Variants in TACR3 observed in about 807,000 individuals in gnomAD.
TACR3 encodes the protein tachykinin receptor 3, also known as neuromedin-K receptor.
TACR3 carries 34 observed loss-of-function variants against 35.0 expected under a neutral mutation model. That is an observed-to-expected ratio of 0.97 (90% CI 0.74 to 1.30). The LOEUF is 1.30. Ranked by LOEUF, TACR3 falls within the 50% of genes most tolerant of loss-of-function variation. The pLI is 0.00. For synonymous variants in TACR3, 233 were observed against 221.1 expected, an observed-to-expected ratio of 1.05 and a Z score of -0.48; for missense variants, 558 against 591.7, an observed-to-expected ratio of 0.94 and a Z score of 0.59.
intron 3 of TACR3, 64 bp downstream of exon 3, chr4:103,656,130 A>T (rs1484382806): frequency 4.4e-6 from 7 of 1,580,200 alleles, no homozygotes; most frequent in Non-Finnish European, 6.1e-6. Context: ...CCATGACTAG[A>T]TTGCTTTTCT....
chr4:103,630,035 G>C (rs536865637), intron 3 of TACR3, among the ~76,000 whole-genome samples: 2 of 151,906 alleles, frequency 1.3e-5, no homozygotes, highest in Non-Finnish European at 2.9e-5. Flanking sequence ...AAATAACACC[G>C]CACATCTACA....
At chr4:103,677,821 A>G (rs769517174) in intron 1 of TACR3, among the ~76,000 whole-genome samples, 65 of 152,224 alleles carry the variant, frequency 4.3e-4, no homozygotes, top group Non-Finnish European at 6.8e-4. Flanking sequence ...AAGTTTACCT[A>G]TGTAACAAAC....
At chr4:103,678,263 A>T (rs1578253946) in intron 1 of TACR3, among the ~76,000 whole-genome samples, 1 of 152,072 alleles carries the variant, frequency 6.6e-6, no homozygotes, top group African/African-American at 2.4e-5. Context: ...AATTTTTTTT[A>T]TCAGTTAAAT....
At chr4:103,683,856 G>A (rs908564711) in intron 1 of TACR3, among the ~76,000 whole-genome samples, 2 of 151,770 alleles carry the variant, frequency 1.3e-5, no homozygotes, top group African/African-American at 2.4e-5. Flanking sequence ...GAGAGAGAGA[G>A]AGAAATGAGG....
chr4:103,667,504 C>A (rs1335810029), intron 1 of TACR3, among the ~76,000 whole-genome samples: 2 of 152,122 alleles, frequency 1.3e-5, no homozygotes, highest in African/African-American at 4.8e-5. Context: ...ATGTTTCTAA[C>A]ACAAAAGTGC....
In TACR3 at chr4:103,587,847, T is replaced by G. The variant is rs537143374; in HGVS notation, c.*1835A>C. 4 of 152,164 alleles carry G rather than the reference T, an allele frequency of 2.6e-5. No homozygotes were observed. Among genetic ancestry groups the G allele is most frequent in the Non-Finnish European group, 5.9e-5 (4 of 67,990 alleles). The allele number at this position is 152,164 out of a possible 1,614,324, so 9.4% of individuals were successfully genotyped here. On this transcript the variant is annotated 3_prime_UTR_variant, in exon 5 of 5. Transcript: ENST00000304883. Reference sequence around the variant, plus strand: ...ATATTAAATTTGCTTATTTAAAACATGCACACAAGCTTCACAGACTTTATT... The same window carrying G: ...ATATTAAATTTGCTTATTTAAAACAGGCACACAAGCTTCACAGACTTTATT...
At chr4:103,600,899 G>A (rs927407754) in intron 3 of TACR3, among the ~76,000 whole-genome samples, 3 of 152,000 alleles carry the variant, frequency 2.0e-5, no homozygotes, top group Non-Finnish European at 2.9e-5. Context: ...CAGTTTTGGA[G>A]TAGGTGTGGT....
chr4:103,704,880 T>C (rs1722749204), intron 1 of TACR3, among the ~76,000 whole-genome samples: 1 of 152,130 alleles, frequency 6.6e-6, no homozygotes, highest in South Asian at 2.1e-4. Flanking sequence ...TCAAAGAAAT[T>C]TAAATATTCA....
intron 1 of TACR3, among the ~76,000 whole-genome samples, chr4:103,667,733 T>G (rs2110334882): frequency 6.6e-6 from 1 of 152,276 alleles, no homozygotes; most frequent in Non-Finnish European, 1.5e-5. Flanking sequence ...TGTAAAACAT[T>G]TAAAAGAAAT....
chr4:103,625,471 G>A (rs1297867554), intron 3 of TACR3, among the ~76,000 whole-genome samples: 2 of 152,122 alleles, frequency 1.3e-5, no homozygotes, highest in East Asian at 1.9e-4. Flanking sequence ...AAACTGCCAA[G>A]TAGGGATGAA....
chr4:103,691,010 G>A (rs779198134), intron 1 of TACR3, among the ~76,000 whole-genome samples: 1 of 152,092 alleles, frequency 6.6e-6, no homozygotes, highest in Non-Finnish European at 1.5e-5. Flanking sequence ...TGGAACAAGC[G>A]CAACTCTCAC....
chr4:103,700,906 A>G (rs1004003568), intron 1 of TACR3, among the ~76,000 whole-genome samples: 2 of 152,206 alleles, frequency 1.3e-5, no homozygotes, highest in African/African-American at 2.4e-5. Flanking sequence ...TCTCAAAATA[A>G]TAAGAGCTAT....
chr4:103,624,386 T>TAATA (rs1337518369), intron 3 of TACR3: 3 of 152,146 alleles, frequency 2.0e-5, no homozygotes, highest in African/African-American at 7.2e-5. Context: ...AATCTGAAGA[T>TAATA]AATACCTGAG....
intron 1 of TACR3, among the ~76,000 whole-genome samples, chr4:103,696,953 A>T (rs1022976813): frequency 6.6e-6 from 1 of 152,094 alleles, no homozygotes. Flanking sequence ...TTGCTCTGTC[A>T]CCCAGGCTGG....
intron 3 of TACR3, among the ~76,000 whole-genome samples, chr4:103,602,523 C>T (rs1004776116): frequency 6.6e-6 from 1 of 151,498 alleles, no homozygotes. Flanking sequence ...GTGGTTTTAT[C>T]CACCTTTGAT....
chr4:103,664,819 G>T (rs928980895), intron 1 of TACR3, among the ~76,000 whole-genome samples: 1 of 151,908 alleles, frequency 6.6e-6, no homozygotes, highest in East Asian at 1.9e-4. Flanking sequence ...TTCTTTGTTT[G>T]TTTGTTTGGT....
At position 103,640,737 on chromosome 4, in the gene TACR3, TTTTTTTTAC is replaced by T. The variant is rs895534777; in HGVS notation, c.888+15448_888+15456del. On this transcript the variant is annotated intron_variant, in intron 3 of 4. Coordinates refer to ENST00000304883, the MANE Select transcript of TACR3 (RefSeq NM_001059.3). ...AAATTTTTGTAAAACGTTATGAGAT[TTTTTTTTAC>T]GATTTTTTTTCTTTTAGCTCATCAG... Among the ~76,000 whole-genome samples the T allele has an allele frequency of 4.6e-5, 7 of 151,770 alleles. No homozygotes were observed. In the South Asian group the frequency reaches 1.2e-3, roughly 27 times the overall value.
At chr4:103,686,632 C>A (rs1304453301) in intron 1 of TACR3, among the ~76,000 whole-genome samples, 4 of 152,046 alleles carry the variant, frequency 2.6e-5, no homozygotes, top group Non-Finnish European at 5.9e-5. Flanking sequence ...AATTATAACA[C>A]ATGAAAGAGG....
chr4:103,680,366 A>G lies in TACR3; in HGVS notation c.549-21963T>C, dbSNP rs183565225. ...GTTTAAGCTTGTTTGGAGAAAAAAA[A>G]TCTGAGCAGACCTAGTAAAAATCAA... On this transcript the variant is annotated intron_variant, in intron 1 of 4. Coordinates refer to ENST00000304883, the MANE Select transcript of TACR3 (RefSeq NM_001059.3). 6.2e-3 allele frequency among the ~76,000 whole-genome samples: 945 copies of G among 151,538 alleles called. 9 individuals carry two copies. Among genetic ancestry groups the G allele is most frequent in the Non-Finnish European group, 8.4e-3 (570 of 67,770 alleles).
Sources: allele counts gnomAD v4.1 joint callset (sites outside exome capture counted in the v4.1 genomes callset), GRCh38; gene constraint gnomAD v4.1.1; transcripts MANE v1.5; gene names NCBI Gene and HGNC (gene_info 2026-07-23, HGNC 2026-07-21).